The following RBFOX3 variants were observed in gnomAD, a reference collection of about 807,000 sequenced individuals.
RBFOX3 encodes the protein RNA binding fox-1 homolog 3, also known as RNA binding protein fox-1 homolog 3.
RBFOX3 carries 17 observed loss-of-function variants against 48.7 expected under a neutral mutation model. The ratio of observed to expected loss-of-function variants is 0.35; its 90% confidence interval spans 0.24 to 0.52. RBFOX3 has a LOEUF of 0.52. RBFOX3 is among the 20% of genes least tolerant of loss of function. The probability of loss-of-function intolerance (pLI) is 0.94; values close to 1 mark genes in which losing one functional copy is unlikely to be tolerated. For missense variants in RBFOX3, 382 were observed against 497.5 expected (o/e 0.77, Z 2.21); for synonymous variants, 212 against 209.5 (o/e 1.01, Z -0.10).
intron 3 of RBFOX3, among the ~76,000 whole-genome samples, chr17:79,293,796 A>G (rs2073864290): frequency 6.6e-6 from 1 of 152,192 alleles, no homozygotes; most frequent in Non-Finnish European, 1.5e-5. Context: ...GGGGGCTGAC[A>G]GATAAGCAGG....
chr17:79,490,490 G>A (rs890855919), intron 1 of RBFOX3, among the ~76,000 whole-genome samples: 4 of 152,242 alleles, frequency 2.6e-5, no homozygotes, highest in Admixed American at 6.5e-5. Flanking sequence ...AGGGAGTACC[G>A]TGGGCTCAAA....
intron 3 of RBFOX3, among the ~76,000 whole-genome samples, chr17:79,251,864 GT>G (rs931249276): frequency 1.3e-5 from 2 of 152,218 alleles, no homozygotes; most frequent in Non-Finnish European, 2.9e-5. Context: ...CCCACCAGGG[GT>G]CTGCCCTCAG....
At chr17:79,652,349 A>G in the RBFOX3 span, among the ~76,000 whole-genome samples, 1 of 151,786 alleles carries the variant, frequency 6.6e-6, no homozygotes, top group African/African-American at 2.4e-5. Flanking sequence ...AGTGTTAGAA[A>G]ATAAAATTGA....
rs1206842750 is a variant in RBFOX3, at chr17:79,090,760, G to A, written c.*123C>T. 8.0e-7 allele frequency: 1 copy of A among 1,244,404 alleles called. No homozygotes were observed. Among genetic ancestry groups the A allele is most frequent in the South Asian group, 1.6e-5 (1 of 63,360 alleles). The allele number at this position is 1,244,404 out of a possible 1,614,324, so 77.1% of individuals were successfully genotyped here. A position where few individuals can be genotyped will look rare whatever the true frequency, so the allele number is the denominator to read the frequency against. On this transcript the variant is annotated 3_prime_UTR_variant, in exon 15 of 15. Coordinates refer to ENST00000693108, the MANE Select transcript of RBFOX3 (RefSeq NM_001350451.2). ...CTTGGACTTGGTTGGATGCCTCTTG[G>A]TTTGGTTGGTTTTTTTTTTGTTGCT...
chr17:79,331,534 G>T (rs2080299048), intron 2 of RBFOX3, among the ~76,000 whole-genome samples: 1 of 152,112 alleles, frequency 6.6e-6, no homozygotes, highest in Non-Finnish European at 1.5e-5. Flanking sequence ...AGAATGTCCT[G>T]CCCGTGGCTC....
intron 1 of RBFOX3, among the ~76,000 whole-genome samples, chr17:79,520,602 G>A (rs1377708783): frequency 1.3e-5 from 2 of 152,240 alleles, no homozygotes; most frequent in African/African-American, 4.8e-5. Flanking sequence ...CAGGGCCAGA[G>A]GCCTAGAAGT....
At chr17:79,495,039 C>T (rs1042542682) in intron 1 of RBFOX3, among the ~76,000 whole-genome samples, 11 of 152,072 alleles carry the variant, frequency 7.2e-5, no homozygotes, top group Non-Finnish European at 1.5e-4. Flanking sequence ...GAGGGTGGCA[C>T]GTTTGCCACA....
intron 1 of RBFOX3, among the ~76,000 whole-genome samples, chr17:79,487,072 TGA>T (rs2079716255): frequency 6.7e-6 from 1 of 149,344 alleles, no homozygotes; most frequent in Non-Finnish European, 1.5e-5. Flanking sequence ...GCAGAAGGAG[TGA>T]GAGAGACCGA....
chr17:79,545,718 T>C (rs1197447274), intron 1 of RBFOX3, among the ~76,000 whole-genome samples: 1 of 152,248 alleles, frequency 6.6e-6, no homozygotes, highest in Non-Finnish European at 1.5e-5. Context: ...CAGCTGAGAC[T>C]GCAGTTCCCC....
At chr17:79,406,722 A>G (rs2063580726) in intron 2 of RBFOX3, among the ~76,000 whole-genome samples, 1 of 152,172 alleles carries the variant, frequency 6.6e-6, no homozygotes, top group African/African-American at 2.4e-5. Context: ...AGTTGATAAA[A>G]TTTGCTTCAT....
At chr17:79,486,635 GC>G (rs1463642523) in intron 1 of RBFOX3, among the ~76,000 whole-genome samples, 1 of 152,100 alleles carries the variant, frequency 6.6e-6, no homozygotes, top group Non-Finnish European at 1.5e-5. Flanking sequence ...TAATGACAGG[GC>G]CCCCAAATAA....
chr17:79,465,662 A>T (rs1320830690), intron 2 of RBFOX3, among the ~76,000 whole-genome samples: 1 of 152,004 alleles, frequency 6.6e-6, no homozygotes, highest in Non-Finnish European at 1.5e-5. Context: ...TCAGCCTCGG[A>T]GGAGCAGCCC....
the RBFOX3 span, among the ~76,000 whole-genome samples, chr17:79,620,249 GCACATGCACACA>G: frequency 1.5e-5 from 2 of 136,456 alleles, no homozygotes; most frequent in Non-Finnish European, 3.1e-5. Context: ...GCACACATAC[GCACATGCACACA>G]CACGTGCACA....
chr17:79,434,526 T>C (rs1392906913), intron 2 of RBFOX3, among the ~76,000 whole-genome samples: 1 of 152,162 alleles, frequency 6.6e-6, no homozygotes, highest in Non-Finnish European at 1.5e-5. Context: ...GGGATTCTCT[T>C]TATCCTATGA....
intron 9 of RBFOX3, among the ~76,000 whole-genome samples, chr17:79,101,239 C>T (rs1227170729): frequency 6.6e-6 from 1 of 152,188 alleles, no homozygotes; most frequent in Admixed American, 6.5e-5. Flanking sequence ...CAAACTCTGG[C>T]CCTGGGGGAA....
the RBFOX3 span, among the ~76,000 whole-genome samples, chr17:79,632,714 G>A: frequency 2.7e-5 from 4 of 149,992 alleles, no homozygotes; most frequent in Non-Finnish European, 4.4e-5. Context: ...GACCAGCCTG[G>A]GCAACATAGC....
intron 4 of RBFOX3, among the ~76,000 whole-genome samples, chr17:79,123,540 G>A (rs777467250): frequency 6.6e-5 from 10 of 152,176 alleles, no homozygotes; most frequent in Non-Finnish European, 1.5e-4. Flanking sequence ...GGCATCCAGA[G>A]CAGTGTGTCA....
intron 2 of RBFOX3, among the ~76,000 whole-genome samples, chr17:79,425,221 G>A (rs560910132): frequency 2.0e-5 from 3 of 152,250 alleles, no homozygotes; most frequent in African/African-American, 7.2e-5. Flanking sequence ...CCCCCTTCCT[G>A]GAGCACCCTC....
chr17:79,100,615 G>T (rs1035533124), intron 9 of RBFOX3, among the ~76,000 whole-genome samples: 1 of 152,182 alleles, frequency 6.6e-6, no homozygotes, highest in African/African-American at 2.4e-5. Context: ...GAGGCTGGGG[G>T]TGACACCGTC....
Sources: gnomAD v4.1 joint callset for allele counts (sites outside exome capture counted in the v4.1 genomes callset) on GRCh38, gnomAD v4.1.1 for gene constraint, MANE v1.5 for transcripts, NCBI Gene and HGNC (gene_info 2026-07-23, HGNC 2026-07-21) for gene names.